DMXL1: variants seen among roughly 807,000 people sequenced by gnomAD.
DMXL1 encodes the protein dmX-like protein 1.
In DMXL1, 99 loss-of-function variants were observed where a neutral mutation model predicts 319.2. The ratio of observed to expected loss-of-function variants is 0.31; its 90% CI spans 0.26 to 0.37. The LOEUF is 0.37. DMXL1 is among the 10% of genes least tolerant of loss of function. DMXL1 has a pLI of 1.00. For synonymous variants in DMXL1, 1,385 were observed against 1,235.2 expected (o/e 1.12, Z -2.54); for missense variants, 3,745 against 3,595.6 (o/e 1.04, Z -1.06).
chr5:119,218,126 C>T (rs1784010797), intron 35 of DMXL1, among the ~76,000 whole-genome samples: 1 of 151,996 alleles, frequency 6.6e-6, no homozygotes, highest in Non-Finnish European at 1.5e-5. Flanking sequence ...CCTGTCATCC[C>T]AACACTTTGG....
chr5:119,224,491 A>T (rs1785185595), intron 37 of DMXL1, among the ~76,000 whole-genome samples: 1 of 152,062 alleles, frequency 6.6e-6, no homozygotes, highest in Admixed American at 6.5e-5. Context: ...AAAGGAATTT[A>T]TCTTTAGATC....
intron 34 of DMXL1, among the ~76,000 whole-genome samples, chr5:119,213,203 A>C (rs1312874497): frequency 6.6e-6 from 1 of 151,840 alleles, no homozygotes; most frequent in African/African-American, 2.4e-5. Context: ...TTTGTTTCCT[A>C]CTCCCCACAG....
chr5:119,207,170 A>G (rs916108035), intron 34 of DMXL1, among the ~76,000 whole-genome samples: 3 of 152,198 alleles, frequency 2.0e-5, no homozygotes, highest in African/African-American at 7.2e-5. Flanking sequence ...TTCTTAATAC[A>G]TGTGATTACA....
intron 3 of DMXL1, among the ~76,000 whole-genome samples, chr5:119,104,934 T>C (rs1257808424): frequency 2.6e-5 from 4 of 152,232 alleles, no homozygotes; most frequent in Non-Finnish European, 5.9e-5. Flanking sequence ...ATTAAGACTG[T>C]TATCCAAGGT....
At chr5:119,109,451 CT>C (rs1267794625) in intron 4 of DMXL1, among the ~76,000 whole-genome samples, 1 of 152,106 alleles carries the variant, frequency 6.6e-6, no homozygotes, top group Non-Finnish European at 1.5e-5. Flanking sequence ...ACTTGAAAAT[CT>C]TTTACTCCCA....
At position 119,143,838 on chromosome 5, in the gene DMXL1, C is replaced by A; in HGVS notation, c.2377-3C>A. 1 of 1,548,260 alleles carries A rather than the reference C, an allele frequency of 6.5e-7. No individual in the cohort carries two copies. Among genetic ancestry groups the A allele is most frequent in the Non-Finnish European group, 8.7e-7 (1 of 1,150,504 alleles). On this transcript the variant is annotated splice_region_variant and splice_polypyrimidine_tract_variant and intron_variant, in intron 13 of 43. Coordinates refer to ENST00000539542, the MANE Select transcript of DMXL1 (RefSeq NM_001290321.3). ...AAATTATAAATTTTTTTAAAAAAAA[C>A]AGAAATATGTTGGTGAAGTCTTTAA... is the stretch of plus-strand genomic sequence containing the variant.
At chr5:119,087,143 TC>T (rs774651950) in intron 1 of DMXL1, among the ~76,000 whole-genome samples, 13 of 151,222 alleles carry the variant, frequency 8.6e-5, no homozygotes, top group South Asian at 6.2e-4. Context: ...ATTTCATTGA[TC>T]TTTTTTTTTG....
Position 119,098,006 on chromosome 5 carries a change from A to G in DMXL1, c.115A>G (p.Ile39Val). Residue 39 changes from isoleucine (I) to valine (V), a missense_variant, in exon 2 of 44, where the codon ATA (isoleucine) becomes GTA (valine). Transcript: ENST00000539542. ...TTATGCATCTGGATGTGACATTGTA[A>G]TACTGGGAAGCGATTTTGAAAGATT... ...TAYASGCDIV[I>V]LGSDFERLQI... The G allele has an allele frequency of 6.2e-7, 1 of 1,605,666 alleles. No individual in the cohort carries two copies. The highest frequency in any genetic ancestry group is 8.5e-7 in the Non-Finnish European group (1 of 1,177,738).
intron 1 of DMXL1, among the ~76,000 whole-genome samples, chr5:119,080,007 A>G (rs529502849): frequency 2.6e-5 from 4 of 152,292 alleles, no homozygotes; most frequent in African/African-American, 7.2e-5. Flanking sequence ...CTTTAGCTTC[A>G]TATTGATAAT....
intron 1 of DMXL1, among the ~76,000 whole-genome samples, chr5:119,078,191 G>A (rs1287953966): frequency 6.6e-6 from 1 of 152,076 alleles, no homozygotes; most frequent in African/African-American, 2.4e-5. Flanking sequence ...TGTTGCCAGG[G>A]CTAGTCTGGA....
intron 1 of DMXL1, among the ~76,000 whole-genome samples, chr5:119,075,093 A>G (rs1750518921): frequency 1.3e-5 from 2 of 152,186 alleles, no homozygotes; most frequent in Admixed American, 1.3e-4. Flanking sequence ...CTAACAATAG[A>G]AAGTACTTCA....
intron 37 of DMXL1, among the ~76,000 whole-genome samples, chr5:119,222,833 T>C (rs1351129645): frequency 5.3e-5 from 8 of 152,156 alleles, no homozygotes; most frequent in Admixed American, 1.3e-4. Context: ...CTTGAACTTA[T>C]TAAGCTCATG....
intron 28 of DMXL1, among the ~76,000 whole-genome samples, chr5:119,181,340 A>G (rs1301804132): frequency 2.0e-5 from 3 of 152,194 alleles, no homozygotes; most frequent in Non-Finnish European, 4.4e-5. Context: ...TATCCAGGTT[A>G]TATGGTGCTC....
At chr5:119,185,782 C>T (rs570583699) in intron 28 of DMXL1, among the ~76,000 whole-genome samples, 88 of 152,054 alleles carry the variant, frequency 5.8e-4, no homozygotes, top group African/African-American at 2.0e-3. Flanking sequence ...GGATTACAGG[C>T]ATGATCCACT....
In DMXL1 at chr5:119,220,550, G is replaced by T; in HGVS notation, c.8092G>T (p.Val2698Phe). ...TGTTTCTGGAATTCTGGCCACACAG[G>T]TCTACACTTGGGTAGATGATGATAT... ...LDVSGILATQ[V>F]YTWVDDDIEV... The change falls in exon 36 of 44, where the codon GTC becomes TTC. Residue 2698 changes from valine (V) to phenylalanine (F), a missense_variant. Val to Phe is a conservative substitution (Grantham distance 50). This residue lies in a region of DMXL1 where 1,382 missense variants were observed against 1,269.5 expected (regional missense o/e 1.09). Coordinates refer to ENST00000539542, the MANE Select transcript of DMXL1 (RefSeq NM_001290321.3). 1.2e-6 allele frequency: 2 copies of T among 1,613,562 alleles called. No individual in the cohort carries two copies. Among genetic ancestry groups the T allele is most frequent in the Non-Finnish European group, 1.7e-6 (2 of 1,179,750 alleles).
At position 119,144,633 on chromosome 5, in the gene DMXL1, A is replaced by G. The variant is rs76945362; in HGVS notation, c.2564A>G (p.Asn855Ser). Residue 855 changes from asparagine to serine, a missense_variant, in exon 15 of 44, where the codon AAT (asparagine) becomes AGT (serine). By Grantham distance (46) the Asn-to-Ser change is conservative. Transcript: ENST00000539542. ...CTTGGCAAAGACAGCATTTTATCTA[A>G]TGCAGGTAAGGAAGAATTATTTATG... Reference protein sequence around the residue: ...KSLGKDSILSNAGSSPNGFSE... With the variant: ...KSLGKDSILSSAGSSPNGFSE... 6.2e-5 allele frequency: 98 copies of G among 1,577,218 alleles called. No individual in the cohort carries two copies. The East Asian group carries it at 2.2e-3, about 36-fold the overall frequency.
intron 3 of DMXL1, among the ~76,000 whole-genome samples, chr5:119,103,242 G>A (rs1757650779): frequency 6.6e-6 from 1 of 151,948 alleles, no homozygotes; most frequent in Non-Finnish European, 1.5e-5. Context: ...AGTCTTGATG[G>A]GAATATTATT....
intron 23 of DMXL1, 142 bp downstream of exon 23, chr5:119,168,006 T>C (rs975716214): frequency 8.4e-6 from 6 of 718,524 alleles, no homozygotes; most frequent in Non-Finnish European, 1.2e-5. Flanking sequence ...GGTTGTTTGG[T>C]TTTTTTCTCC....
At chr5:119,108,208 T>A (rs896093935) in intron 4 of DMXL1, among the ~76,000 whole-genome samples, 1 of 152,120 alleles carries the variant, frequency 6.6e-6, no homozygotes, top group Non-Finnish European at 1.5e-5. Context: ...TCAAAAAATT[T>A]AAAAAAGTGA....
Sources: allele counts gnomAD v4.1 joint callset (sites outside exome capture counted in the v4.1 genomes callset), GRCh38; gene constraint gnomAD v4.1.1; regional missense constraint gnomAD v4.1.1; transcripts MANE v1.5; gene names NCBI Gene and HGNC (gene_info 2026-07-23, HGNC 2026-07-21).